Variants in ZNF385B observed in about 807,000 individuals in gnomAD.
ZNF385B encodes zinc finger protein 533.
In ZNF385B, 23 loss-of-function variants were observed where a neutral mutation model predicts 39.2. The ratio of observed to expected loss-of-function variants is 0.59; its 90% CI spans 0.42 to 0.83. ZNF385B has a LOEUF of 0.83. Ranked by LOEUF, ZNF385B falls within the 40% of genes least tolerant of loss-of-function variation. ZNF385B has a pLI of 0.00. For missense variants in ZNF385B, 552 were observed against 598.9 expected (o/e 0.92, Z 0.82); for synonymous variants, 205 against 222.6 (o/e 0.92, Z 0.70).
At chr2:179,485,865 G>A (rs1305576996) in intron 5 of ZNF385B, among the ~76,000 whole-genome samples, 1 of 152,074 alleles carries the variant, frequency 6.6e-6, no homozygotes, top group Non-Finnish European at 1.5e-5. Flanking sequence ...TATAACCCAG[G>A]TCACCCAAGG....
chr2:179,558,042 C>A (rs1162423639), intron 3 of ZNF385B, among the ~76,000 whole-genome samples: 5 of 152,170 alleles, frequency 3.3e-5, no homozygotes, highest in African/African-American at 1.2e-4. Context: ...GGCACACTCA[C>A]ATTTGTGTTG....
At chr2:179,625,306 A>G (rs1690560363) in intron 3 of ZNF385B, among the ~76,000 whole-genome samples, 1 of 152,122 alleles carries the variant, frequency 6.6e-6, no homozygotes, top group African/African-American at 2.4e-5. Context: ...TGCAAGAATA[A>G]GACTAAGAGA....
chr2:179,601,919 A>G (rs1008356799), intron 3 of ZNF385B, among the ~76,000 whole-genome samples: 1 of 152,146 alleles, frequency 6.6e-6, no homozygotes, highest in African/African-American at 2.4e-5. Context: ...TTTCACTATG[A>G]CAAGCTCTCA....
At chr2:179,741,066 T>C (rs968971510) in intron 3 of ZNF385B, among the ~76,000 whole-genome samples, 5 of 152,152 alleles carry the variant, frequency 3.3e-5, no homozygotes, top group African/African-American at 1.2e-4. Flanking sequence ...GTAGACTTAA[T>C]CCATTTCCAA....
chr2:179,620,370 A>G (rs1233677167), intron 3 of ZNF385B, among the ~76,000 whole-genome samples: 1 of 152,162 alleles, frequency 6.6e-6, no homozygotes, highest in East Asian at 1.9e-4. Flanking sequence ...TGATATCCTG[A>G]AAAAGATGAA....
intron 3 of ZNF385B, among the ~76,000 whole-genome samples, chr2:179,637,022 C>T: frequency 6.6e-6 from 1 of 152,034 alleles, no homozygotes; most frequent in East Asian, 1.9e-4. Context: ...CAAGTAAAAA[C>T]ATAAAAAACT....
intron 3 of ZNF385B, among the ~76,000 whole-genome samples, chr2:179,653,428 A>G (rs1877941): frequency 0.37 from 56,374 of 152,022 alleles, 11,028 homozygotes; most frequent in East Asian, 0.58. Context: ...TTCAGCTCTT[A>G]ATAAACTTAG....
intron 3 of ZNF385B, among the ~76,000 whole-genome samples, chr2:179,649,302 A>T (rs1471113237): frequency 2.0e-5 from 3 of 152,220 alleles, no homozygotes; most frequent in African/African-American, 2.4e-5. Context: ...AATGGATTCT[A>T]TATCTATCTA....
At chr2:179,459,758 G>A (rs2051112885) in intron 6 of ZNF385B, among the ~76,000 whole-genome samples, 1 of 150,368 alleles carries the variant, frequency 6.7e-6, no homozygotes, top group Admixed American at 6.6e-5. Context: ...AAATATCAAA[G>A]CACATATATT....
At chr2:179,731,383 T>A (rs1214439384) in intron 3 of ZNF385B, among the ~76,000 whole-genome samples, 1 of 152,188 alleles carries the variant, frequency 6.6e-6, no homozygotes, top group African/African-American at 2.4e-5. Flanking sequence ...GGCTGCCTGA[T>A]ACCAAGTCAC....
intron 1 of ZNF385B, among the ~76,000 whole-genome samples, chr2:179,852,186 C>A (rs1351740487): frequency 2.6e-5 from 4 of 152,126 alleles, no homozygotes; most frequent in Non-Finnish European, 5.9e-5. Flanking sequence ...GAAGGGAAGG[C>A]AGGAAGGGAC....
At chr2:179,482,998 T>G (rs1180970661) in intron 6 of ZNF385B, among the ~76,000 whole-genome samples, 1 of 151,500 alleles carries the variant, frequency 6.6e-6, no homozygotes, top group Admixed American at 6.6e-5. Flanking sequence ...GATCAAGTAG[T>G]CTCTACTTGT....
chr2:179,551,678 T>C (rs572478740), intron 3 of ZNF385B, among the ~76,000 whole-genome samples: 10 of 152,246 alleles, frequency 6.6e-5, no homozygotes, highest in African/African-American at 2.2e-4. Context: ...CCCATAAATA[T>C]AGAAACTCCA....
chr2:179,672,842 CA>C (rs1272491011), intron 3 of ZNF385B, among the ~76,000 whole-genome samples: 2 of 152,160 alleles, frequency 1.3e-5, no homozygotes, highest in African/African-American at 2.4e-5. Context: ...AAGTTTAAGA[CA>C]TTTTTTTGTT....
chr2:179,724,752 TA>T (rs1364583963), intron 3 of ZNF385B, among the ~76,000 whole-genome samples: 3 of 152,330 alleles, frequency 2.0e-5, no homozygotes, highest in Admixed American at 2.0e-4. Context: ...GGTTGATAAT[TA>T]TTTTGACTCT....
chr2:179,745,146 T>C (rs1702303195), intron 3 of ZNF385B, among the ~76,000 whole-genome samples: 2 of 152,124 alleles, frequency 1.3e-5, no homozygotes, highest in African/African-American at 4.8e-5. Context: ...ACACAGTCGT[T>C]AGAAATTAAT....
Position 179,861,538 on chromosome 2 carries a change from G to C in ZNF385B, c.-592C>G, listed in dbSNP as rs1317895170. On this transcript the variant is annotated 5_prime_UTR_variant, in exon 1 of 10. Transcript: ENST00000410066. ...ACTCTCGCGCGCCGAAGCTGTGACG[G>C]TTTACTAAGCAGAGACTTGCGAGGC... is the stretch of plus-strand genomic sequence containing the variant. The C allele has an allele frequency of 6.6e-6, 1 of 152,278 alleles. No homozygotes were observed. Among genetic ancestry groups the C allele is most frequent in the Non-Finnish European group, 1.5e-5 (1 of 68,124 alleles). 9.4% of individuals were successfully genotyped at this position (152,278 alleles called of 1,614,324 possible).
chr2:179,723,321 A>G (rs1210322458), intron 3 of ZNF385B, among the ~76,000 whole-genome samples: 1 of 152,228 alleles, frequency 6.6e-6, no homozygotes, highest in African/African-American at 2.4e-5. Flanking sequence ...TATATAACTC[A>G]GAGAAAGCTG....
intron 5 of ZNF385B, among the ~76,000 whole-genome samples, chr2:179,508,969 CAG>C (rs768620381): frequency 1.1e-4 from 16 of 139,964 alleles, no homozygotes; most frequent in Non-Finnish European, 1.7e-4. Context: ...TTTTTTGAGA[CAG>C]AGTCTCGCTC....
Sources: gnomAD v4.1 joint callset for allele counts (sites outside exome capture counted in the v4.1 genomes callset) on GRCh38, gnomAD v4.1.1 for gene constraint, MANE v1.5 for transcripts, NCBI Gene and HGNC (gene_info 2026-07-23, HGNC 2026-07-21) for gene names.